EGFR: variants seen among roughly 807,000 people sequenced by gnomAD.
EGFR encodes the protein epidermal growth factor receptor.
Under a neutral mutation model 143.0 loss-of-function variants are expected in EGFR, and 58 were observed. The observed-to-expected ratio is 0.41, with a 90% confidence interval of 0.33 to 0.50. EGFR has a LOEUF of 0.50. Ranked by LOEUF, EGFR falls within the 20% of genes least tolerant of loss-of-function variation. The probability of loss-of-function intolerance (pLI) is 0.39; values close to 1 mark genes in which losing one functional copy is unlikely to be tolerated. For missense variants in EGFR, 1,307 were observed against 1,579.0 expected (o/e 0.83, Z 2.92); for synonymous variants, 613 against 594.4 (o/e 1.03, Z -0.45).
intron 1 of EGFR, among the ~76,000 whole-genome samples, chr7:55,138,964 C>T (rs1794308923): frequency 6.6e-6 from 1 of 152,092 alleles, no homozygotes; most frequent in Admixed American, 6.6e-5. Flanking sequence ...TTTAACTCAT[C>T]CTTTTATCAG....
chr7:55,124,057 G>A (rs1292051727), intron 1 of EGFR, among the ~76,000 whole-genome samples: 3 of 152,176 alleles, frequency 2.0e-5, no homozygotes, highest in Non-Finnish European at 4.4e-5. Flanking sequence ...TATGCGTGTA[G>A]TTCTAGAGTC....
At chr7:55,152,425 T>C in intron 5 of EGFR, 121 bp from the exon 6 acceptor site, 1 of 903,610 alleles carries the variant, frequency 1.1e-6, no homozygotes, top group Non-Finnish European at 1.9e-6. Context: ...GAATGTGGTT[T>C]CGTTGGAAGC....
intron 1 of EGFR, among the ~76,000 whole-genome samples, chr7:55,065,106 T>C (rs1789421098): frequency 1.3e-5 from 2 of 152,230 alleles, no homozygotes; most frequent in Admixed American, 1.3e-4. Context: ...ATCTGAAAAG[T>C]GACACTTTTG....
At chr7:55,079,167 G>C (rs1218431418) in intron 1 of EGFR, among the ~76,000 whole-genome samples, 5 of 152,144 alleles carry the variant, frequency 3.3e-5, no homozygotes, top group African/African-American at 7.2e-5. Flanking sequence ...AAGGCTGGGC[G>C]GGGGCGGGAA....
intron 16 of EGFR, among the ~76,000 whole-genome samples, chr7:55,171,611 A>G (rs1786357883): frequency 1.3e-5 from 2 of 152,134 alleles, no homozygotes; most frequent in South Asian, 2.1e-4. Flanking sequence ...CTGTTCGATG[A>G]CAACCTCCAG....
At chr7:55,200,904 C>T (rs2128970963) in intron 24 of EGFR, 3 of 539,670 alleles carry the variant, frequency 5.6e-6, no homozygotes, top group East Asian at 6.5e-5. Context: ...AAGGTGCACA[C>T]TCGATGAATG....
chr7:55,127,622 G>C (rs371778970), intron 1 of EGFR, among the ~76,000 whole-genome samples: 23 of 152,300 alleles, frequency 1.5e-4, no homozygotes, highest in African/African-American at 4.8e-4. Flanking sequence ...GAAATTAGCT[G>C]AGTAGAAGGC....
intron 1 of EGFR, among the ~76,000 whole-genome samples, chr7:55,071,023 C>T (rs1446571710): frequency 6.6e-6 from 1 of 152,226 alleles, no homozygotes; most frequent in Non-Finnish European, 1.5e-5. Context: ...CTGTGCCAAA[C>T]GCCGCTAGCA....
chr7:55,205,858 T>A lies in EGFR; in HGVS notation c.*241T>A, dbSNP rs187461906. ...AGAAACGCATCCAGCAAGAATATTG[T>A]CCCTTTGAGCAGAAATTTATCTTTC... On this transcript the variant is annotated 3_prime_UTR_variant, in exon 28 of 28. Coordinates refer to ENST00000275493, the MANE Select transcript of EGFR (RefSeq NM_005228.5). The A allele has an allele frequency of 1.7e-6, 1 of 576,958 alleles. No homozygotes were observed. 35.7% of individuals were successfully genotyped at this position (576,958 alleles called of 1,614,324 possible). A position where few individuals can be genotyped will look rare whatever the true frequency, so the allele number is the denominator to read the frequency against.
intron 1 of EGFR, among the ~76,000 whole-genome samples, chr7:55,045,938 G>A (rs1244445445): frequency 6.6e-6 from 1 of 152,164 alleles, no homozygotes; most frequent in African/African-American, 2.4e-5. Flanking sequence ...GGAAAACAAT[G>A]TTAATAAAAT....
At chr7:55,046,616 G>C (rs1162941631) in intron 1 of EGFR, among the ~76,000 whole-genome samples, 1 of 151,814 alleles carries the variant, frequency 6.6e-6, no homozygotes, top group African/African-American at 2.4e-5. Context: ...GCATTCTGAG[G>C]TCAAACATGC....
At chr7:55,088,281 C>T (rs1249973202) in intron 1 of EGFR, among the ~76,000 whole-genome samples, 1 of 152,168 alleles carries the variant, frequency 6.6e-6, no homozygotes, top group East Asian at 1.9e-4. Context: ...TGGGGGAGGC[C>T]CCCTTCGCAC....
At position 55,205,401 on chromosome 7, in the gene EGFR, C is replaced by T. The variant is rs1309862564; in HGVS notation, c.3417C>T (p.Leu1139=). 6 of 1,614,054 alleles carry T rather than the reference C, an allele frequency of 3.7e-6. No individual in the cohort carries two copies. Among genetic ancestry groups the T allele is most frequent in the Non-Finnish European group, 5.1e-6 (6 of 1,180,036 alleles). ...CTGCAGTGGGCAACCCCGAGTATCTCAACACTGTCCAGCCCACCTGTGTCA... is the reference window on the plus strand; with the variant it reads ...CTGCAGTGGGCAACCCCGAGTATCTTAACACTGTCCAGCCCACCTGTGTCA... ...HSTAVGNPEY[L]NTVQPTCVNS... Residue 1139 remains leucine, a synonymous_variant, in exon 28 of 28, where the codon CTC becomes CTT. Transcript: ENST00000275493.
chr7:55,130,375 A>G (rs1485977344), intron 1 of EGFR, among the ~76,000 whole-genome samples: 2 of 152,204 alleles, frequency 1.3e-5, no homozygotes, highest in African/African-American at 4.8e-5. Context: ...AGATTCTTCT[A>G]TGGCAGAAAC....
At chr7:55,064,288 A>G (rs1211044571) in intron 1 of EGFR, among the ~76,000 whole-genome samples, 1 of 152,228 alleles carries the variant, frequency 6.6e-6, no homozygotes, top group Non-Finnish European at 1.5e-5. Flanking sequence ...GTTCTTCCCC[A>G]CTAGAAGCCA....
rs1786511006 is a variant in EGFR, at chr7:55,174,676, C to T, written c.2185-46C>T. The T allele has an allele frequency of 3.4e-6, 5 of 1,477,660 alleles. No individual in the cohort carries two copies. The Admixed American group carries it at 8.4e-5, about 25-fold the overall frequency. The allele number at this position is 1,477,660 out of a possible 1,614,324, so 91.5% of individuals were successfully genotyped here. A position where few individuals can be genotyped will look rare whatever the true frequency, so the allele number is the denominator to read the frequency against. On this transcript the variant is annotated intron_variant, in intron 18 of 27. Transcript: ENST00000275493. ...CAGATCACTGGGCAGCATGTGGCAC[C>T]ATCTCACAATTGCCAGTTAACGTCT...
chr7:55,163,629 C>T, intron 13 of EGFR, 104 bp from the exon 14 acceptor site: 1 of 961,712 alleles, frequency 1.0e-6, no homozygotes, highest in Non-Finnish European at 1.7e-6. Context: ...AGTCCCAACT[C>T]CTTGACCATT....
At chr7:55,143,592 A>C in intron 3 of EGFR, 104 bp downstream of exon 3, 1 of 1,329,164 alleles carries the variant, frequency 7.5e-7, no homozygotes, top group South Asian at 1.2e-5. Context: ...GAAGGCTTTT[A>C]TTTTTACCCA....
intron 1 of EGFR, among the ~76,000 whole-genome samples, chr7:55,098,354 G>C (rs756378993): frequency 1.3e-5 from 2 of 152,188 alleles, no homozygotes; most frequent in African/African-American, 2.4e-5. Flanking sequence ...GGTCTGACCC[G>C]ACAGCACGCA....
Sources: gnomAD v4.1 joint callset for allele counts (sites outside exome capture counted in the v4.1 genomes callset) on GRCh38, gnomAD v4.1.1 for gene constraint, MANE v1.5 for transcripts, NCBI Gene and HGNC (gene_info 2026-07-23, HGNC 2026-07-21) for gene names.